The following P4HA3 variants were observed in gnomAD, a reference collection of about 807,000 sequenced individuals.
P4HA3 encodes prolyl 4-hydroxylase subunit alpha-3.
A neutral mutation model predicts 66.7 loss-of-function variants in P4HA3; 60 were observed. The ratio of observed to expected loss-of-function variants is 0.90; its 90% CI spans 0.73 to 1.12. The LOEUF is 1.12. Among genes scored for constraint, P4HA3 ranks in the 50% most tolerant of loss-of-function variants. P4HA3 has a pLI of 0.00. For synonymous variants in P4HA3, 263 were observed against 274.6 expected (o/e 0.96, Z 0.42); for missense variants, 683 against 685.8 (o/e 1.00, Z 0.05).
chr11:74,307,813 ATT>A (rs1861618474), intron 1 of P4HA3, among the ~76,000 whole-genome samples: 3 of 152,178 alleles, frequency 2.0e-5, no homozygotes, highest in Admixed American at 6.5e-5. Context: ...TACATGGGCT[ATT>A]TCACTTCAAT....
intron 7 of P4HA3, among the ~76,000 whole-genome samples, chr11:74,284,438 G>A (rs1040450960): frequency 7.2e-5 from 11 of 152,170 alleles, no homozygotes; most frequent in Non-Finnish European, 1.3e-4. Flanking sequence ...GACTGGCAAT[G>A]TCCCATACAG....
chr11:74,290,633 G>A (rs1860982911), intron 4 of P4HA3, among the ~76,000 whole-genome samples: 1 of 151,978 alleles, frequency 6.6e-6, no homozygotes, highest in South Asian at 2.1e-4. Flanking sequence ...AAGGTGTAAG[G>A]AAGGGATCCA....
At chr11:74,311,156 C>A (rs1191987850) in intron 1 of P4HA3, among the ~76,000 whole-genome samples, 3 of 152,240 alleles carry the variant, frequency 2.0e-5, no homozygotes, top group South Asian at 2.1e-4. Flanking sequence ...TGTGACCCAA[C>A]CCTCGCCAAC....
At chr11:74,302,334 A>G (rs1861432471) in intron 3 of P4HA3, 35 bp downstream of exon 3, 2 of 1,547,050 alleles carry the variant, frequency 1.3e-6, no homozygotes, top group Non-Finnish European at 1.8e-6. Context: ...AAGAAACCAG[A>G]GCCAAGCAAT....
chr11:74,277,080 T>C lies in P4HA3; in HGVS notation c.1240A>G (p.Thr414Ala). 4 of 1,614,112 alleles carry C rather than the reference T, an allele frequency of 2.5e-6. No homozygotes were observed. Among genetic ancestry groups the C allele is most frequent in the South Asian group, 1.1e-5 (1 of 91,084 alleles). Reference protein sequence around the residue: ...VTLNHRIAALTGLDVRPPYAE... With the variant: ...VTLNHRIAALAGLDVRPPYAE... The stretch of plus-strand genomic sequence containing the variant: ...TAGGGAGGCCGGACATCAAGGCCTG[T>C]GAGGGCAGCAATGCGGTGGTTGAGG... The change falls in exon 9 of 13, where the codon ACA (threonine) becomes GCA (alanine). Residue 414 changes from threonine (T) to alanine (A), a missense_variant. By Grantham distance (58) the Thr-to-Ala change is moderately conservative. Coordinates refer to ENST00000331597, the MANE Select transcript of P4HA3 (RefSeq NM_182904.5).
At chr11:74,300,530 G>A (rs2134814070) in intron 3 of P4HA3, among the ~76,000 whole-genome samples, 1 of 152,160 alleles carries the variant, frequency 6.6e-6, no homozygotes, top group Admixed American at 6.5e-5. Flanking sequence ...GAGGTGGGAG[G>A]ATCACTTGAG....
chr11:74,250,862 G>A, intron 15 of P4HA3: 2 of 1,070,092 alleles, frequency 1.9e-6, no homozygotes, highest in Non-Finnish European at 2.8e-6. Context: ...GAAATGGGGA[G>A]GTAGGTCCTG....
At chr11:74,309,248 T>C (rs1027056705) in intron 1 of P4HA3, among the ~76,000 whole-genome samples, 2 of 152,240 alleles carry the variant, frequency 1.3e-5, no homozygotes, top group African/African-American at 4.8e-5. Context: ...TTCTCAATAG[T>C]TAACAAGTGT....
chr11:74,303,526 G>C (rs1353259638), intron 2 of P4HA3, among the ~76,000 whole-genome samples: 1 of 151,416 alleles, frequency 6.6e-6, no homozygotes, highest in African/African-American at 2.4e-5. Flanking sequence ...AGCAATCTTA[G>C]CCTCCCAAAG....
At chr11:74,251,582 T>C (rs2135685628) in intron 15 of P4HA3, 4 of 1,584,092 alleles carry the variant, frequency 2.5e-6, no homozygotes, top group Non-Finnish European at 3.4e-6. Flanking sequence ...TAACAGTAGC[T>C]CACAGCCCAA....
chr11:74,253,689 C>G, intron 15 of P4HA3: 2 of 704,136 alleles, frequency 2.8e-6, no homozygotes, highest in Non-Finnish European at 4.9e-6. Context: ...GCATTGTTTT[C>G]CAGGGCCCTT....
chr11:74,273,492 A>C, intron 10 of P4HA3, 53 bp downstream of exon 10: 1 of 1,342,598 alleles, frequency 7.4e-7, no homozygotes, highest in African/African-American at 1.5e-5. Flanking sequence ...AAACAATAAA[A>C]TAAAGTAGAG....
Position 74,302,413 on chromosome 11 carries a change from G to A in P4HA3, c.523C>T (p.Arg175Trp), listed in dbSNP as rs774215239. ...SAITDLYSPK[R>W]LFSLTGDDCF... ...TCATCCCCTGTGAGAGAAAAGAGCC[G>A]TTTGGGGCTGTACAGGTCAGTGATG... The change falls in exon 3 of 13, where the codon CGG becomes TGG. Residue 175 changes from arginine to tryptophan, a missense_variant. Coordinates refer to ENST00000331597, the MANE Select transcript of P4HA3 (RefSeq NM_182904.5). 2.2e-5 allele frequency: 35 copies of A among 1,613,938 alleles called. No individual in the cohort carries two copies. The highest frequency in any genetic ancestry group is 1.7e-4 in the Middle Eastern group (1 of 6,020).
chr11:74,255,882 G>C, intron 15 of P4HA3: 1 of 503,806 alleles, frequency 2.0e-6, no homozygotes. Context: ...TAGTAGAGGA[G>C]AGAAGTTCCT....
chr11:74,310,140 G>A (rs1048695061), intron 1 of P4HA3, among the ~76,000 whole-genome samples: 3 of 152,218 alleles, frequency 2.0e-5, no homozygotes, highest in African/African-American at 7.2e-5. Context: ...AAATAGTGAC[G>A]TGGTCATAAC....
intron 7 of P4HA3, among the ~76,000 whole-genome samples, chr11:74,283,723 C>T (rs1169745383): frequency 2.0e-5 from 3 of 152,230 alleles, no homozygotes; most frequent in African/African-American, 7.2e-5. Context: ...ATATCAGGCC[C>T]TTGCACATAC....
intron 2 of P4HA3, among the ~76,000 whole-genome samples, chr11:74,303,146 G>C (rs1861464872): frequency 6.6e-6 from 1 of 151,878 alleles, no homozygotes; most frequent in South Asian, 2.1e-4. Flanking sequence ...GTAGAGACAG[G>C]GTCTTGCTAT....
chr11:74,256,145 T>C (rs1859825702), intron 15 of P4HA3, among the ~76,000 whole-genome samples: 1 of 152,216 alleles, frequency 6.6e-6, no homozygotes, highest in Admixed American at 6.5e-5. Flanking sequence ...TTCTACAGCT[T>C]GGAAGTGACT....
At chr11:74,301,030 A>T (rs916132508) in intron 3 of P4HA3, among the ~76,000 whole-genome samples, 2 of 152,194 alleles carry the variant, frequency 1.3e-5, no homozygotes, top group African/African-American at 2.4e-5. Context: ...AAAAGGGCAC[A>T]TACTATATGG....
Sources: gnomAD v4.1 joint callset for allele counts (sites outside exome capture counted in the v4.1 genomes callset) on GRCh38, gnomAD v4.1.1 for gene constraint, MANE v1.5 for transcripts, NCBI Gene and HGNC (gene_info 2026-07-23, HGNC 2026-07-21) for gene names.